Variants in CDH18 observed in about 807,000 individuals in gnomAD.
CDH18 encodes the protein cadherin 18, also known as cadherin-18.
CDH18 carries 31 observed loss-of-function variants against 67.9 expected under a neutral mutation model. That is an observed-to-expected ratio of 0.46 (90% CI 0.34 to 0.62). The LOEUF (loss-of-function observed/expected upper bound fraction) is 0.62, where lower values mean the gene tolerates loss of function less well. Ranked by LOEUF, CDH18 falls within the 20% of genes least tolerant of loss-of-function variation. The pLI is 0.01. For synonymous variants in CDH18, 362 were observed against 347.2 expected (o/e 1.04, Z -0.48); for missense variants, 890 against 975.5 (o/e 0.91, Z 1.17).
At chr5:20,405,339 G>A (rs897523767) in intron 1 of CDH18, among the ~76,000 whole-genome samples, 1 of 152,112 alleles carries the variant, frequency 6.6e-6, no homozygotes, top group Non-Finnish European at 1.5e-5. Context: ...AATGGGGAGA[G>A]GATTCCCTAT....
At chr5:19,884,583 T>C (rs1197774918) in intron 2 of CDH18, among the ~76,000 whole-genome samples, 1 of 151,838 alleles carries the variant, frequency 6.6e-6, no homozygotes, top group Non-Finnish European at 1.5e-5. Flanking sequence ...AAAAGATACA[T>C]AGATTAAAAG....
At chr5:20,186,685 C>A (rs1343838399) in intron 2 of CDH18, among the ~76,000 whole-genome samples, 1 of 151,746 alleles carries the variant, frequency 6.6e-6, no homozygotes, top group Non-Finnish European at 1.5e-5. Context: ...ATGTTAGATC[C>A]CTTGTACATT....
chr5:19,716,434 T>A (rs955068179), intron 5 of CDH18, among the ~76,000 whole-genome samples: 1 of 152,202 alleles, frequency 6.6e-6, no homozygotes, highest in African/African-American at 2.4e-5. Flanking sequence ...AATAGTATAT[T>A]AATCTTTGGT....
intron 3 of CDH18, among the ~76,000 whole-genome samples, chr5:19,755,446 T>TATATAC (rs1771440977): frequency 9.4e-5 from 1 of 10,586 alleles, no homozygotes; most frequent in Non-Finnish European, 1.5e-3. Context: ...TATATATATA[T>TATATAC]ATATATATAT....
chr5:20,222,057 C>G (rs1451578864), intron 2 of CDH18, among the ~76,000 whole-genome samples: 2 of 152,006 alleles, frequency 1.3e-5, no homozygotes, highest in East Asian at 1.9e-4. Flanking sequence ...TTCCCTGGAC[C>G]ACCTTGGTTT....
intron 3 of CDH18, among the ~76,000 whole-genome samples, chr5:19,808,318 C>CAAA (rs144547566): frequency 1.5e-5 from 2 of 133,332 alleles, no homozygotes; most frequent in African/African-American, 2.6e-5. Flanking sequence ...ACAACAACAA[C>CAAA]AAAAAAAAAA....
intron 2 of CDH18, among the ~76,000 whole-genome samples, chr5:20,164,034 C>T (rs1736094074): frequency 1.3e-5 from 2 of 152,104 alleles, no homozygotes; most frequent in Admixed American, 1.3e-4. Flanking sequence ...ATGAACTTTT[C>T]CATAACAAGG....
intron 2 of CDH18, among the ~76,000 whole-genome samples, chr5:20,227,380 T>C (rs1741716255): frequency 6.6e-6 from 1 of 152,092 alleles, no homozygotes; most frequent in East Asian, 1.9e-4. Flanking sequence ...AACGTTCTAA[T>C]ACAGCATGTC....
In CDH18 at chr5:20,519,945, T is replaced by A. The variant is rs962270598; in HGVS notation, c.-580+55517A>T. Among the ~76,000 whole-genome samples, 65 of 11,814 alleles carry A rather than the reference T, an allele frequency of 5.5e-3. No individual in the cohort carries two copies. In the East Asian group the frequency reaches 0.37, roughly 68 times the overall value. 7.8% of individuals were successfully genotyped at this position (11,814 alleles called of 152,430 possible). On this transcript the variant is annotated intron_variant, in intron 1 of 14. Transcript: ENST00000507958. ...CTGGAGTACAACACAGTCTTGGCTT[T>A]TTTTTTTTTTTTTTTTTTTTTTTTT...
At chr5:19,740,976 C>G (rs1021428662) in intron 4 of CDH18, among the ~76,000 whole-genome samples, 7 of 151,938 alleles carry the variant, frequency 4.6e-5, no homozygotes, top group African/African-American at 7.2e-5. Context: ...TTGCATTGAT[C>G]AAATATGTAC....
chr5:20,100,857 GA>G (rs1333781303), intron 2 of CDH18, among the ~76,000 whole-genome samples: 1 of 152,096 alleles, frequency 6.6e-6, no homozygotes, highest in African/African-American at 2.4e-5. Flanking sequence ...TGATAGCATA[GA>G]TTTTACTTTA....
In CDH18 at chr5:20,363,047, T is replaced by G. The variant is rs147858334; in HGVS notation, c.-579-107542A>C. 3.9e-3 allele frequency among the ~76,000 whole-genome samples: 600 copies of G among 152,338 alleles called. 1 individual carries two copies. The highest frequency in any genetic ancestry group is 6.4e-3 in the Non-Finnish European group (434 of 68,024). Reference sequence around the variant, plus strand: ...GCCTTTGCCACCTTTTATCTATTCCTAATATTACTGCCATGGTTGAGGCCA... The same window carrying G: ...GCCTTTGCCACCTTTTATCTATTCCGAATATTACTGCCATGGTTGAGGCCA... On this transcript the variant is annotated intron_variant, in intron 1 of 14. Coordinates refer to the CDH18 transcript ENST00000507958.
intron 3 of CDH18, among the ~76,000 whole-genome samples, chr5:19,837,503 T>C (rs1257780522): frequency 6.6e-6 from 1 of 152,196 alleles, no homozygotes; most frequent in Non-Finnish European, 1.5e-5. Flanking sequence ...TTTTTAAAAA[T>C]TTATTTTATG....
In CDH18 at chr5:19,875,880, AT is replaced by A. The variant is rs559324838; in HGVS notation, c.-256-36639del. ...TATTTTTAAATTTTATTCCTTGGTA[AT>A]TTTTTTAATTGTAACTTTTTTTTAT... On this transcript the variant is annotated intron_variant, in intron 2 of 12. Coordinates refer to ENST00000382275, the MANE Select transcript of CDH18 (RefSeq NM_004934.5). Among the ~76,000 whole-genome samples, 452 of 86,462 alleles carry A rather than the reference AT, an allele frequency of 5.2e-3. 5 individuals are homozygous for A. Among genetic ancestry groups the A allele is most frequent in the African/African-American group, 0.013 (406 of 31,514 alleles). The allele number at this position is 86,462 out of a possible 152,430, so 56.7% of individuals were successfully genotyped here.
rs548802862 is a variant in CDH18 at position 19,916,819 on chromosome 5, G to T, written c.-257+64241C>A. ...ACATAAAATAATTGTAGCTATTTTG[G>T]TTAACTTGGATATTTATAAAGAATG... On this transcript the variant is annotated intron_variant, in intron 2 of 12. Coordinates refer to ENST00000382275, the MANE Select transcript of CDH18 (RefSeq NM_004934.5). Among the ~76,000 whole-genome samples the T allele has an allele frequency of 4.6e-5, 7 of 152,094 alleles. No individual in the cohort carries two copies. The South Asian group carries it at 8.3e-4, about 18-fold the overall frequency.
At chr5:19,912,029 T>C (rs1791201724) in intron 2 of CDH18, among the ~76,000 whole-genome samples, 2 of 152,134 alleles carry the variant, frequency 1.3e-5, no homozygotes, top group African/African-American at 2.4e-5. Context: ...GATTGACAGC[T>C]CTGGAAATCT....
chr5:20,498,827 AAATT>A (rs1463167386), intron 1 of CDH18, among the ~76,000 whole-genome samples: 2 of 152,082 alleles, frequency 1.3e-5, no homozygotes, highest in Admixed American at 6.6e-5. Flanking sequence ...AATAAGAAAA[AAATT>A]AAATGGTCAC....
At chr5:20,525,512 C>T (rs1433775066) in intron 1 of CDH18, among the ~76,000 whole-genome samples, 3 of 152,106 alleles carry the variant, frequency 2.0e-5, no homozygotes, top group East Asian at 3.9e-4. Context: ...ATATGCCTGC[C>T]CTGCCTTCTT....
intron 2 of CDH18, among the ~76,000 whole-genome samples, chr5:19,901,601 T>G (rs1789943422): frequency 1.3e-5 from 2 of 152,086 alleles, no homozygotes; most frequent in Admixed American, 6.5e-5. Context: ...AGAAATATAT[T>G]TAATAATGTT....
Sources: allele counts gnomAD v4.1 joint callset (sites outside exome capture counted in the v4.1 genomes callset), GRCh38; gene constraint gnomAD v4.1.1; transcripts MANE v1.5; gene names NCBI Gene and HGNC (gene_info 2026-07-23, HGNC 2026-07-21).